The following TXNDC16 variants were observed in gnomAD, a reference collection of about 807,000 sequenced individuals.
TXNDC16 encodes the protein thioredoxin domain containing 16, also known as thioredoxin domain-containing protein 16.
Under a neutral mutation model 85.6 loss-of-function variants are expected in TXNDC16, and 74 were observed. The observed-to-expected ratio is 0.86, with a 90% CI of 0.72 to 1.05. The LOEUF (loss-of-function observed/expected upper bound fraction) is 1.05. TXNDC16 is among the 50% of genes least tolerant of loss of function. TXNDC16 has a pLI of 0.00. For missense variants in TXNDC16, 959 were observed against 947.0 expected (o/e 1.01, Z -0.17); for synonymous variants, 335 against 326.5 (o/e 1.03, Z -0.28).
chr14:52,466,833 C>T (rs2140128010), intron 16 of TXNDC16, among the ~76,000 whole-genome samples: 1 of 152,060 alleles, frequency 6.6e-6, no homozygotes, highest in South Asian at 2.1e-4. Flanking sequence ...CGCCACTGCA[C>T]TCCAGCCTGG....
intron 9 of TXNDC16, among the ~76,000 whole-genome samples, chr14:52,493,216 T>TATATATATATATATATATATATTAC: frequency 0.015 from 1,751 of 115,496 alleles, 29 homozygotes; most frequent in Non-Finnish European, 0.022. Flanking sequence ...TATATATATA[T>TATATATATATATATATATATATTAC]ACACACACAC....
Position 52,470,129 on chromosome 14 carries a change from G to C in TXNDC16, c.1526C>G (p.Ala509Gly). The change falls in exon 16 of 21, where the codon GCA (alanine) becomes GGA (glycine). Residue 509 changes from alanine to glycine, a missense_variant. Physicochemically the swap from Ala to Gly is moderately conservative, Grantham distance 60 (BLOSUM62 0). Coordinates refer to ENST00000281741, the MANE Select transcript of TXNDC16 (RefSeq NM_020784.3). ...YPVNITSIQE[A>G]EEYLSGELYK... ...TAATTCCCCACTTAAATATTCTTCTGCTTCTTGGATCGATGTTATATTCAC... is the reference window on the plus strand; with the variant it reads ...TAATTCCCCACTTAAATATTCTTCTCCTTCTTGGATCGATGTTATATTCAC... The C allele has an allele frequency of 6.2e-7, 1 of 1,610,870 alleles. No individual in the cohort carries two copies. The highest frequency in any genetic ancestry group is 8.5e-7 in the Non-Finnish European group (1 of 1,178,172).
At chr14:52,551,244 A>T (rs2038037885) in intron 1 of TXNDC16, among the ~76,000 whole-genome samples, 1 of 151,842 alleles carries the variant, frequency 6.6e-6, no homozygotes, top group Non-Finnish European at 1.5e-5. Flanking sequence ...AAAGACAGCA[A>T]CACTCTTCTT....
intron 6 of TXNDC16, among the ~76,000 whole-genome samples, chr14:52,530,909 A>C: frequency 6.6e-6 from 1 of 151,836 alleles, no homozygotes; most frequent in Non-Finnish European, 1.5e-5. Flanking sequence ...ACAAGCAACA[A>C]ACTGGCTTGT....
chr14:52,467,036 C>G (rs984139325), intron 16 of TXNDC16, among the ~76,000 whole-genome samples: 6 of 151,546 alleles, frequency 4.0e-5, no homozygotes, highest in African/African-American at 1.5e-4. Flanking sequence ...AGACTTGACT[C>G]TATATTCAAC....
chr14:52,459,934 AC>A (rs1269153905), intron 16 of TXNDC16, among the ~76,000 whole-genome samples: 2 of 152,118 alleles, frequency 1.3e-5, no homozygotes, highest in Non-Finnish European at 2.9e-5. Flanking sequence ...TCTATGACAA[AC>A]CCACAGTCAA....
rs147801826 is a variant in TXNDC16 at position 52,507,981 on chromosome 14, A to G, written c.756+3259T>C. Among the ~76,000 whole-genome samples the G allele has an allele frequency of 1.3e-3, 195 of 152,354 alleles. 2 individuals are homozygous for G. The highest frequency in any genetic ancestry group is 0.012 in the Admixed American group (180 of 15,304). On this transcript the variant is annotated intron_variant, in intron 9 of 20. Coordinates refer to ENST00000281741, the MANE Select transcript of TXNDC16 (RefSeq NM_020784.3). The stretch of plus-strand genomic sequence containing the variant: ...AAAACCCTAGAAGAAAACCTAGGCA[A>G]TACCATTTAGGACATGGGCATGGGC...
chr14:52,486,063 A>G (rs1280143826), intron 12 of TXNDC16, among the ~76,000 whole-genome samples: 3 of 152,102 alleles, frequency 2.0e-5, no homozygotes, highest in African/African-American at 7.2e-5. Context: ...CATTCTCAAT[A>G]CCAAACTTAG....
Position 52,477,803 on chromosome 14 carries a change from A to G in TXNDC16, c.1312+4427T>C, listed in dbSNP as rs561223603. 1.4e-3 allele frequency among the ~76,000 whole-genome samples: 219 copies of G among 152,318 alleles called. 1 individual carries two copies. The highest frequency in any genetic ancestry group is 5.2e-3 in the African/African-American group (215 of 41,586). On this transcript the variant is annotated intron_variant, in intron 14 of 20. Transcript: ENST00000281741. The stretch of plus-strand genomic sequence containing the variant: ...AGGTCAACAAAGAAACAATGGCTTT[A>G]AACTATACCCTGGTACAAATGGACT...
intron 9 of TXNDC16, among the ~76,000 whole-genome samples, chr14:52,491,911 C>A (rs1188957402): frequency 6.6e-6 from 1 of 152,082 alleles, no homozygotes; most frequent in African/African-American, 2.4e-5. Context: ...AAAGCCTAAG[C>A]CATTAGAGGG....
chr14:52,543,718 T>G, intron 2 of TXNDC16, 88 bp from the exon 3 acceptor site: 1 of 766,128 alleles, frequency 1.3e-6, no homozygotes, highest in African/African-American at 1.8e-5. Context: ...AGAAAGTCAT[T>G]AGTCACATCA....
intron 16 of TXNDC16, among the ~76,000 whole-genome samples, chr14:52,466,392 C>CAAA (rs35493549): frequency 4.9e-4 from 28 of 56,634 alleles, no homozygotes; most frequent in East Asian, 1.1e-3. Flanking sequence ...GACTCTGTCT[C>CAAA]AAAAAAAAAA....
intron 6 of TXNDC16, among the ~76,000 whole-genome samples, chr14:52,522,595 T>C (rs568782270): frequency 5.3e-4 from 81 of 152,282 alleles, no homozygotes; most frequent in African/African-American, 1.8e-3. Context: ...TGACAATTGT[T>C]AGTCACAGCC....
At chr14:52,483,516 T>G (rs2036197108) in intron 12 of TXNDC16, among the ~76,000 whole-genome samples, 1 of 152,128 alleles carries the variant, frequency 6.6e-6, no homozygotes, top group African/African-American at 2.4e-5. Context: ...ATACGAAAGC[T>G]CTGAGACATA....
chr14:52,465,886 C>T (rs1415280702), intron 16 of TXNDC16, among the ~76,000 whole-genome samples: 1 of 152,004 alleles, frequency 6.6e-6, no homozygotes, highest in Non-Finnish European at 1.5e-5. Flanking sequence ...AATGCAAAAA[C>T]ATTAATTTGA....
chr14:52,490,858 CT>C lies in TXNDC16; in HGVS notation c.903del (p.Gly302GlufsTer6). 1.9e-6 allele frequency: 3 copies of C among 1,611,518 alleles called. No homozygotes were observed. Among genetic ancestry groups the C allele is most frequent in the Non-Finnish European group, 2.5e-6 (3 of 1,179,318 alleles). On this transcript the variant is annotated frameshift_variant, in exon 10 of 21. Transcript: ENST00000281741. LOFTEE classifies it high-confidence loss of function. The part of the protein sequence containing the change: ...EWVAWRLLGK[A>X]GVLLLLRDSL... ...AGATACCTTAACAAGAGTAGAACTCCTGCTTTTCCCAGAAGACGCCAAGCAA... is the reference window on the plus strand; with the variant it reads ...AGATACCTTAACAAGAGTAGAACTCCGCTTTTCCCAGAAGACGCCAAGCAA...
chr14:52,494,543 T>A lies in TXNDC16; in HGVS notation c.757-3538A>T, dbSNP rs1045364387. Among the ~76,000 whole-genome samples the A allele has an allele frequency of 2.6e-5, 4 of 152,238 alleles. No homozygotes were observed. The South Asian group carries it at 8.3e-4, about 31-fold the overall frequency. Reference sequence around the variant, plus strand: ...CCTGAAGGAGTAAAAATGCCTGTTTTTTTTTCCTTGTGTATTAGGAGAACT... The same window carrying A: ...CCTGAAGGAGTAAAAATGCCTGTTTATTTTTCCTTGTGTATTAGGAGAACT... On this transcript the variant is annotated intron_variant, in intron 9 of 20. Coordinates refer to ENST00000281741, the MANE Select transcript of TXNDC16 (RefSeq NM_020784.3).
At chr14:52,513,193 T>C (rs1432945830) in intron 8 of TXNDC16, among the ~76,000 whole-genome samples, 4 of 152,158 alleles carry the variant, frequency 2.6e-5, no homozygotes, top group African/African-American at 9.7e-5. Context: ...CACACTCAGA[T>C]CCAATATGAT....
At chr14:52,487,314 T>C (rs1352167941) in intron 12 of TXNDC16, among the ~76,000 whole-genome samples, 1 of 152,082 alleles carries the variant, frequency 6.6e-6, no homozygotes, top group Non-Finnish European at 1.5e-5. Context: ...CTGGTAAGAG[T>C]GAAAGCTCTT....
Sources: gnomAD v4.1 joint callset for allele counts (sites outside exome capture counted in the v4.1 genomes callset) on GRCh38, gnomAD v4.1.1 for gene constraint, MANE v1.5 for transcripts, NCBI Gene and HGNC (gene_info 2026-07-23, HGNC 2026-07-21) for gene names.